STK3: variants seen among roughly 807,000 people sequenced by gnomAD.
STK3 encodes the protein serine/threonine-protein kinase 3.
In STK3, 41 loss-of-function variants were observed where a neutral mutation model predicts 58.0. That is an observed-to-expected ratio of 0.71 (90% CI 0.55 to 0.92). STK3 has a LOEUF of 0.92. Ranked by LOEUF, STK3 falls within the 40% of genes least tolerant of loss-of-function variation. STK3 has a pLI of 0.00. For synonymous variants in STK3, 170 were observed against 191.0 expected (o/e 0.89, Z 0.91); for missense variants, 479 against 602.7 (o/e 0.79, Z 2.15).
chr8:98,526,855 A>C lies in STK3; in HGVS notation c.1204T>G (p.Phe402Val). 2 of 1,598,466 alleles carry C rather than the reference A, an allele frequency of 1.3e-6. No individual in the cohort carries two copies. Among genetic ancestry groups the C allele is most frequent in the Non-Finnish European group, 1.7e-6 (2 of 1,170,186 alleles). ...CAGTTTTCGTGACTCTTATTCTTGAAGTCTTGCTTATCAAAGTAGTCCATG... is the reference window on the plus strand; with the variant it reads ...CAGTTTTCGTGACTCTTATTCTTGACGTCTTGCTTATCAAAGTAGTCCATG... ...SFMDYFDKQD[F>V]KNKSHENCNQ... The change falls in exon 10 of 11, where the codon TTC becomes GTC. Residue 402 changes from phenylalanine (F) to valine (V), a missense_variant. By Grantham distance (50) the Phe-to-Val change is conservative. Transcript: ENST00000419617.
chr8:98,902,708 G>T (rs780152763), intron 1 of STK3, among the ~76,000 whole-genome samples: 12 of 152,202 alleles, frequency 7.9e-5, no homozygotes, highest in Non-Finnish European at 1.8e-4. Context: ...AGTAAATGGG[G>T]TCATGTCACT....
At chr8:98,354,690 G>A in the STK3 span, among the ~76,000 whole-genome samples, 4 of 152,178 alleles carry the variant, frequency 2.6e-5, no homozygotes, top group South Asian at 2.1e-4. Flanking sequence ...TTCCCCTAAG[G>A]ACATCATCAA....
chr8:98,404,268 G>T (rs188106545), intron 3 of STK3, among the ~76,000 whole-genome samples: 2 of 152,306 alleles, frequency 1.3e-5, no homozygotes, highest in East Asian at 3.9e-4. Flanking sequence ...CAGGTGCAGT[G>T]GTTCATGCCT....
At chr8:98,892,926 G>A (rs994378577) in intron 1 of STK3, among the ~76,000 whole-genome samples, 4 of 152,066 alleles carry the variant, frequency 2.6e-5, no homozygotes, top group African/African-American at 7.2e-5. Context: ...TCTTACTACA[G>A]CTCTCTAAGA....
At chr8:98,585,015 G>C (rs1270706768) in intron 7 of STK3, among the ~76,000 whole-genome samples, 1 of 149,062 alleles carries the variant, frequency 6.7e-6, no homozygotes, top group African/African-American at 2.5e-5. Context: ...AGATGAGTAG[G>C]TTGCGAAAAT....
chr8:98,933,450 A>T (rs1840075425), intron 1 of STK3, among the ~76,000 whole-genome samples: 1 of 152,230 alleles, frequency 6.6e-6, no homozygotes. Flanking sequence ...AATGTATTTT[A>T]AAAATTGTTT....
chr8:98,605,907 C>T (rs552713826), intron 6 of STK3, among the ~76,000 whole-genome samples: 1 of 152,252 alleles, frequency 6.6e-6, no homozygotes, highest in East Asian at 1.9e-4. Flanking sequence ...TTCCCCCTTT[C>T]TCTCTTCCTC....
At chr8:98,691,588 A>G (rs1824406681) in intron 6 of STK3, among the ~76,000 whole-genome samples, 1 of 152,134 alleles carries the variant, frequency 6.6e-6, no homozygotes, top group Non-Finnish European at 1.5e-5. Context: ...CATAGAAACA[A>G]CAAGCAGGTC....
At chr8:98,487,185 T>C (rs887183922) in intron 10 of STK3, among the ~76,000 whole-genome samples, 1 of 152,184 alleles carries the variant, frequency 6.6e-6, no homozygotes, top group Non-Finnish European at 1.5e-5. Flanking sequence ...ATAAGTTCAC[T>C]ATAAAGTAGA....
chr8:98,854,756 C>T (rs1836604938), intron 3 of STK3, among the ~76,000 whole-genome samples: 1 of 152,040 alleles, frequency 6.6e-6, no homozygotes, highest in African/African-American at 2.4e-5. Context: ...ACATTGTTAA[C>T]ATGTTACTAC....
chr8:98,914,265 G>A (rs951742742), intron 1 of STK3, among the ~76,000 whole-genome samples: 26 of 152,048 alleles, frequency 1.7e-4, no homozygotes, highest in African/African-American at 5.3e-4. Context: ...AGGCAACATG[G>A]CAATACCTCA....
At chr8:98,710,620 G>C (rs1367800223) in intron 4 of STK3, among the ~76,000 whole-genome samples, 1 of 152,232 alleles carries the variant, frequency 6.6e-6, no homozygotes, top group Non-Finnish European at 1.5e-5. Flanking sequence ...GCCCAGGCTT[G>C]AGTAGGTAAA....
intron 3 of STK3, among the ~76,000 whole-genome samples, chr8:98,407,731 T>C (rs1269627229): frequency 6.8e-6 from 1 of 147,616 alleles, no homozygotes; most frequent in Non-Finnish European, 1.5e-5. Context: ...TGTGTGTGTG[T>C]GTGTGTGTGT....
At position 98,428,498 on chromosome 8, in the gene STK3, G is replaced by A; in HGVS notation, n.483+5629C>T. 6.2e-7 allele frequency: 1 copy of A among 1,614,140 alleles called. No individual in the cohort carries two copies. Among genetic ancestry groups the A allele is most frequent in the Non-Finnish European group, 8.5e-7 (1 of 1,180,046 alleles). ...CCCTCGGCAACTTCCGCAGGCAGCT[G>A]TGGCTGGCGCTGGACAACCCCGGCT... On this transcript the variant is annotated intron_variant and non_coding_transcript_variant, in intron 3 of 3. Coordinates refer to the STK3 transcript ENST00000517832. This position sits in a 1 kb window ranked among gnomAD's most constrained non-coding sequence, Gnocchi z 6.7.
At chr8:98,700,034 G>A (rs531152292) in intron 6 of STK3, among the ~76,000 whole-genome samples, 48 of 152,304 alleles carry the variant, frequency 3.2e-4, no homozygotes, top group Middle Eastern at 3.4e-3. Flanking sequence ...GGAGCTTCCC[G>A]GCTGCTTTGT....
intron 2 of STK3, among the ~76,000 whole-genome samples, chr8:98,771,571 C>CTT (rs796245638): frequency 8.2e-5 from 12 of 147,044 alleles, no homozygotes; most frequent in African/African-American, 2.7e-4. Context: ...ATATACGTAT[C>CTT]TTTTTTTTTT....
exon 3 of STK3, chr8:98,371,623 G>C (rs577221977): frequency 6.7e-4 from 102 of 152,354 alleles, no homozygotes; most frequent in African/African-American, 2.4e-3. Flanking sequence ...ACACTTCCCA[G>C]ATGCTTCCAG....
At chr8:98,838,600 T>C (rs550623915) in intron 3 of STK3, among the ~76,000 whole-genome samples, 1 of 152,300 alleles carries the variant, frequency 6.6e-6, no homozygotes, top group East Asian at 1.9e-4. Context: ...CTAAGGCCAG[T>C]CTGAGCATGT....
intron 3 of STK3, among the ~76,000 whole-genome samples, chr8:98,838,172 G>A (rs1835817902): frequency 1.3e-5 from 2 of 151,804 alleles, no homozygotes; most frequent in South Asian, 2.1e-4. Context: ...GAACCCTAGA[G>A]GCAGAGGTTG....
Sources: allele counts gnomAD v4.1 joint callset (sites outside exome capture counted in the v4.1 genomes callset), GRCh38; gene constraint gnomAD v4.1.1; non-coding constraint Gnocchi (gnomAD v3.1); transcripts MANE v1.5; gene names NCBI Gene and HGNC (gene_info 2026-07-23, HGNC 2026-07-21).